The following KHDRBS2 variants were observed in gnomAD, a reference collection of about 807,000 sequenced individuals.
KHDRBS2 encodes KH domain-containing, RNA-binding, signal transduction-associated protein 2.
Under a neutral mutation model 44.3 loss-of-function variants are expected in KHDRBS2, and 26 were observed. That is an observed-to-expected ratio of 0.59 (90% CI 0.43 to 0.81). The LOEUF is 0.81. KHDRBS2 is among the 40% of genes least tolerant of loss of function. KHDRBS2 has a pLI of 0.00. For synonymous variants in KHDRBS2, 194 were observed against 151.1 expected, an observed-to-expected ratio of 1.28 and a Z score of -2.08; for missense variants, 476 against 433.1, an observed-to-expected ratio of 1.10 and a Z score of -0.88.
At chr6:61,850,059 T>G (rs1162535417) in intron 6 of KHDRBS2, among the ~76,000 whole-genome samples, 1 of 152,142 alleles carries the variant, frequency 6.6e-6, no homozygotes, top group Admixed American at 6.6e-5. Context: ...TCCTTGTTAC[T>G]CAAAGATGTG....
chr6:62,282,200 G>C (rs547184209), intron 1 of KHDRBS2, among the ~76,000 whole-genome samples: 1 of 152,120 alleles, frequency 6.6e-6, no homozygotes, highest in Non-Finnish European at 1.5e-5. Flanking sequence ...TAACTCACAA[G>C]TTTGCATGTG....
intron 2 of KHDRBS2, among the ~76,000 whole-genome samples, chr6:62,048,465 T>C (rs1788239037): frequency 6.6e-6 from 1 of 151,898 alleles, no homozygotes; most frequent in African/African-American, 2.4e-5. Context: ...TAAAATAAAA[T>C]TTGATATTCA....
chr6:61,875,222 G>C (rs554391324), intron 6 of KHDRBS2, among the ~76,000 whole-genome samples: 147 of 151,830 alleles, frequency 9.7e-4, no homozygotes, highest in African/African-American at 3.3e-3. Context: ...GAGTGGTGTT[G>C]AAAAGCAGAA....
At chr6:61,899,851 C>T (rs532158030) in intron 5 of KHDRBS2, among the ~76,000 whole-genome samples, 14 of 150,682 alleles carry the variant, frequency 9.3e-5, no homozygotes, top group Non-Finnish European at 1.8e-4. Context: ...TGTTGAACTA[C>T]AAAAGTTGCA....
At chr6:61,710,475 C>A (rs12661249) in intron 7 of KHDRBS2, among the ~76,000 whole-genome samples, 27,678 of 151,538 alleles carry the variant, frequency 0.18, 2,651 homozygotes, top group Non-Finnish European at 0.2. Context: ...AGTCCATTTT[C>A]TATGTTTTAA....
chr6:62,057,165 A>C (rs2127321031), intron 2 of KHDRBS2, among the ~76,000 whole-genome samples: 1 of 152,016 alleles, frequency 6.6e-6, no homozygotes, highest in South Asian at 2.1e-4. Context: ...GCATGTTTTA[A>C]AATTTATAAA....
chr6:61,581,216 AAATGTGCATGGCCATGCAC>A, the KHDRBS2 span, among the ~76,000 whole-genome samples: 3 of 151,892 alleles, frequency 2.0e-5, no homozygotes, highest in African/African-American at 4.8e-5. Flanking sequence ...ATTGCCATGC[AAATGTGCATGGCCATGCAC>A]AATGTGCATT....
At chr6:61,670,185 A>G in the KHDRBS2 span, among the ~76,000 whole-genome samples, 10 of 151,366 alleles carry the variant, frequency 6.6e-5, no homozygotes, top group African/African-American at 2.4e-4. Context: ...TGACAATGTA[A>G]AAACAAAGAA....
chr6:62,054,985 C>A (rs1172595084), intron 2 of KHDRBS2, among the ~76,000 whole-genome samples: 1 of 151,888 alleles, frequency 6.6e-6, no homozygotes, highest in East Asian at 1.9e-4. Context: ...TACATCATAA[C>A]AGAAAAACTA....
intron 2 of KHDRBS2, among the ~76,000 whole-genome samples, chr6:62,128,881 G>T (rs1183737791): frequency 6.6e-6 from 1 of 151,924 alleles, no homozygotes; most frequent in South Asian, 2.1e-4. Flanking sequence ...GTTACATTCT[G>T]CTTATATACT....
chr6:61,830,807 G>A (rs573559900), intron 6 of KHDRBS2, among the ~76,000 whole-genome samples: 2 of 152,272 alleles, frequency 1.3e-5, no homozygotes, highest in African/African-American at 4.8e-5. Context: ...ATACTGTAAA[G>A]CTTGCTATTA....
intron 6 of KHDRBS2, among the ~76,000 whole-genome samples, chr6:61,871,012 C>T (rs759988532): frequency 4.6e-5 from 7 of 152,096 alleles, no homozygotes; most frequent in Non-Finnish European, 7.4e-5. Context: ...ATGAGTTTGA[C>T]GCACTGACAG....
chr6:61,704,158 A>G (rs939733648), intron 7 of KHDRBS2, among the ~76,000 whole-genome samples: 2 of 151,784 alleles, frequency 1.3e-5, no homozygotes, highest in African/African-American at 2.4e-5. Flanking sequence ...CATTTTCATT[A>G]TCCCTAACTA....
chr6:61,644,163 C>T, the KHDRBS2 span, among the ~76,000 whole-genome samples: 2 of 152,096 alleles, frequency 1.3e-5, no homozygotes, highest in Non-Finnish European at 2.9e-5. Context: ...CACCTACAAC[C>T]ATCTATTCTT....
intron 2 of KHDRBS2, among the ~76,000 whole-genome samples, chr6:62,166,696 G>C (rs1164395394): frequency 6.6e-6 from 1 of 151,928 alleles, no homozygotes; most frequent in Non-Finnish European, 1.5e-5. Context: ...AAATTCACTT[G>C]CTTCCACTTT....
At chr6:61,761,751 G>A (rs1779299250) in intron 6 of KHDRBS2, among the ~76,000 whole-genome samples, 1 of 152,094 alleles carries the variant, frequency 6.6e-6, no homozygotes, top group Non-Finnish European at 1.5e-5. Flanking sequence ...ATTCCATTTT[G>A]TAAAATGGTG....
chr6:61,707,789 G>A (rs1769831268), intron 7 of KHDRBS2, among the ~76,000 whole-genome samples: 1 of 151,568 alleles, frequency 6.6e-6, no homozygotes, highest in South Asian at 2.1e-4. Context: ...GAAATGCTCT[G>A]AGTCATTAAA....
the KHDRBS2 span, among the ~76,000 whole-genome samples, chr6:61,653,418 C>T: frequency 1.3e-5 from 2 of 151,824 alleles, no homozygotes; most frequent in Admixed American, 6.6e-5. Context: ...AAATAAAAAC[C>T]TTCTATTTGA....
chr6:61,992,091 C>T (rs1344345434), intron 3 of KHDRBS2, among the ~76,000 whole-genome samples: 1 of 152,184 alleles, frequency 6.6e-6, no homozygotes, highest in South Asian at 2.1e-4. Flanking sequence ...ACAGCATGTA[C>T]TCAAAGTCAA....
Sources: allele counts gnomAD v4.1 joint callset (sites outside exome capture counted in the v4.1 genomes callset), GRCh38; gene constraint gnomAD v4.1.1; transcripts MANE v1.5; gene names NCBI Gene and HGNC (gene_info 2026-07-23, HGNC 2026-07-21).